RBM27: variants seen among roughly 807,000 people sequenced by gnomAD.
RBM27 encodes the protein RNA binding motif protein 27, also known as RNA-binding protein 27.
Under a neutral mutation model 135.3 loss-of-function variants are expected in RBM27, and 22 were observed. The ratio of observed to expected loss-of-function variants is 0.16; its 90% CI spans 0.12 to 0.23. The LOEUF is 0.23. Ranked by LOEUF, RBM27 falls within the 10% of genes least tolerant of loss-of-function variation. The probability of loss-of-function intolerance (pLI) is 1.00; values close to 1 mark genes in which losing one functional copy is unlikely to be tolerated. For missense variants in RBM27, 1,009 were observed against 1,281.0 expected (o/e 0.79, Z 3.24); for synonymous variants, 481 against 442.4 (o/e 1.09, Z -1.10).
chr5:146,270,716 C>G (rs1160462531), intron 17 of RBM27, among the ~76,000 whole-genome samples: 3 of 152,098 alleles, frequency 2.0e-5, no homozygotes, highest in Non-Finnish European at 4.4e-5. Flanking sequence ...GGTGTCTGTT[C>G]CTAGGATGTA....
intron 2 of RBM27, among the ~76,000 whole-genome samples, chr5:146,219,805 C>A (rs1261589476): frequency 6.6e-6 from 1 of 152,194 alleles, no homozygotes; most frequent in East Asian, 1.9e-4. Context: ...GCTCTACATA[C>A]AGTGTAGTAT....
intron 8 of RBM27, among the ~76,000 whole-genome samples, chr5:146,249,556 G>A (rs1757788050): frequency 6.6e-6 from 1 of 151,508 alleles, no homozygotes; most frequent in African/African-American, 2.4e-5. Context: ...GCGTGGTGGT[G>A]GGCACCAGAA....
intron 19 of RBM27, among the ~76,000 whole-genome samples, chr5:146,274,227 T>G (rs1758991828): frequency 6.6e-6 from 1 of 151,896 alleles, no homozygotes; most frequent in Non-Finnish European, 1.5e-5. Context: ...TACTCCTTTT[T>G]TTTTTTAATA....
chr5:146,226,813 A>G (rs1169815801), intron 3 of RBM27, among the ~76,000 whole-genome samples: 1 of 151,910 alleles, frequency 6.6e-6, no homozygotes, highest in East Asian at 1.9e-4. Flanking sequence ...GCTACCCCCA[A>G]CTGACAGCTT....
chr5:146,232,506 G>A (rs1248319370), intron 6 of RBM27, among the ~76,000 whole-genome samples: 3 of 151,826 alleles, frequency 2.0e-5, no homozygotes, highest in Non-Finnish European at 2.9e-5. Flanking sequence ...ATTTCCTGGC[G>A]TTCATCCTAT....
rs1306583572 is a variant in RBM27 at position 146,253,315 on chromosome 5, A to G, written c.1444+1440A>G. Among the ~76,000 whole-genome samples, 5 of 152,092 alleles carry G rather than the reference A, an allele frequency of 3.3e-5. No homozygotes were observed. The East Asian group carries it at 9.6e-4, about 29-fold the overall frequency. ...CCGGCCCAATTATTTGGTTTTATTG[A>G]TCATCATCAGGAAACTTTGAGACTG... On this transcript the variant is annotated intron_variant, in intron 9 of 20. Coordinates refer to ENST00000265271, the MANE Select transcript of RBM27 (RefSeq NM_018989.2).
rs57117642 is a variant in RBM27 at position 146,211,464 on chromosome 5, C to CTT, written c.60-7492_60-7491dup. Among the ~76,000 whole-genome samples, 301 of 49,888 alleles carry CTT rather than the reference C, an allele frequency of 6.0e-3. 20 individuals carry two copies. The highest frequency in any genetic ancestry group is 0.015 in the African/African-American group (218 of 14,578). The allele number at this position is 49,888 out of a possible 152,430, so 32.7% of individuals were successfully genotyped here. ...CTTACTTTGTCCAGTATGGTCTTAT[C>CTT]TTTTTTTTTTTTTTTTTTTTTTTTT... On this transcript the variant is annotated intron_variant, in intron 1 of 20. Coordinates refer to ENST00000265271, the MANE Select transcript of RBM27 (RefSeq NM_018989.2).
At chr5:146,246,250 G>A (rs1286663166) in intron 8 of RBM27, among the ~76,000 whole-genome samples, 1 of 151,960 alleles carries the variant, frequency 6.6e-6, no homozygotes, top group East Asian at 1.9e-4. Context: ...TTTTTCCTGT[G>A]AATACTCTTA....
chr5:146,229,654 T>C, intron 4 of RBM27, 63 bp from the exon 5 acceptor site: 1 of 1,373,444 alleles, frequency 7.3e-7, no homozygotes, highest in Non-Finnish European at 1.0e-6. Flanking sequence ...ATTTATACTA[T>C]AGATTTGTTT....
At chr5:146,219,742 G>A (rs765973909) in intron 2 of RBM27, among the ~76,000 whole-genome samples, 1 of 151,952 alleles carries the variant, frequency 6.6e-6, no homozygotes, top group Non-Finnish European at 1.5e-5. Context: ...TTCTTCTCTC[G>A]CTTCTTTCTG....
At chr5:146,239,959 T>C (rs1277243132) in intron 8 of RBM27, among the ~76,000 whole-genome samples, 1 of 152,000 alleles carries the variant, frequency 6.6e-6, no homozygotes, top group Non-Finnish European at 1.5e-5. Context: ...GAAATTTTTT[T>C]GTAGAGACGG....
At chr5:146,276,354 AAGAGGTTT>A (rs1246581232) in intron 19 of RBM27, among the ~76,000 whole-genome samples, 2 of 152,202 alleles carry the variant, frequency 1.3e-5, no homozygotes, top group Non-Finnish European at 2.9e-5. Context: ...TTGAGAAAGT[AAGAGGTTT>A]ATCTCTAAAG....
chr5:146,226,582 T>C (rs373621095), intron 3 of RBM27, among the ~76,000 whole-genome samples: 42 of 151,166 alleles, frequency 2.8e-4, no homozygotes, highest in East Asian at 1.4e-3. Flanking sequence ...AGTTTCACCA[T>C]GTTGGCCAGG....
intron 9 of RBM27, among the ~76,000 whole-genome samples, chr5:146,252,339 A>G (rs1176957852): frequency 1.3e-5 from 2 of 152,018 alleles, no homozygotes; most frequent in Non-Finnish European, 2.9e-5. Flanking sequence ...CTTTTCTCCT[A>G]TTGACATACG....
At chr5:146,251,908 C>T (rs1231710835) in intron 9 of RBM27, 33 bp downstream of exon 9, 1 of 1,603,472 alleles carries the variant, frequency 6.2e-7, no homozygotes, top group African/African-American at 1.3e-5. Flanking sequence ...ATCCACCTCA[C>T]TGATCTTTTT....
intron 1 of RBM27, among the ~76,000 whole-genome samples, chr5:146,211,543 A>G (rs982362641): frequency 4.1e-5 from 5 of 122,666 alleles, no homozygotes; most frequent in Admixed American, 2.3e-4. Flanking sequence ...GTGCAATGGC[A>G]TGATCTCGGC....
intron 3 of RBM27, among the ~76,000 whole-genome samples, chr5:146,226,970 G>A (rs771820980): frequency 1.3e-5 from 2 of 152,212 alleles, no homozygotes; most frequent in Non-Finnish European, 2.9e-5. Flanking sequence ...GTCTGAGGTG[G>A]CACACATCTT....
Position 146,263,494 on chromosome 5 carries a change from A to G in RBM27, c.2194A>G (p.Met732Val), listed in dbSNP as rs1484728774. ...STVHGGIQKM[M>V]SKPQTSGAYV... Reference sequence around the variant, plus strand: ...AGTGTTCATTTTGTATGTGCAGATGATGAGCAAACCACAGACATCAGGTGC... The same window carrying G: ...AGTGTTCATTTTGTATGTGCAGATGGTGAGCAAACCACAGACATCAGGTGC... Residue 732 changes from methionine to valine, a missense_variant, in exon 14 of 21, where the codon ATG (methionine) becomes GTG (valine). Met to Val is a conservative substitution (Grantham distance 21). Coordinates refer to ENST00000265271, the MANE Select transcript of RBM27 (RefSeq NM_018989.2). 1.3e-5 allele frequency: 21 copies of G among 1,612,948 alleles called. No individual in the cohort carries two copies. The highest frequency in any genetic ancestry group is 1.7e-5 in the Non-Finnish European group (20 of 1,179,522).
At chr5:146,207,564 A>G (rs1472184185) in intron 1 of RBM27, among the ~76,000 whole-genome samples, 1 of 151,734 alleles carries the variant, frequency 6.6e-6, no homozygotes, top group Non-Finnish European at 1.5e-5. Context: ...AGTTTACAGT[A>G]AATTAAATTT....
Sources: gnomAD v4.1 joint callset for allele counts (sites outside exome capture counted in the v4.1 genomes callset) on GRCh38, gnomAD v4.1.1 for gene constraint, MANE v1.5 for transcripts, NCBI Gene and HGNC (gene_info 2026-07-23, HGNC 2026-07-21) for gene names.